Variants in TPGS2 observed in about 807,000 individuals in gnomAD.
The protein encoded by TPGS2 is polyglutamylase subunit 2.
Under a neutral mutation model 31.1 loss-of-function variants are expected in TPGS2, and 26 were observed. The observed-to-expected ratio is 0.84, with a 90% CI of 0.61 to 1.16. The LOEUF is 1.16. Ranked by LOEUF, TPGS2 falls within the 50% of genes most tolerant of loss-of-function variation. The pLI, the probability that TPGS2 is intolerant of heterozygous loss-of-function variation, is 0.00. For synonymous variants in TPGS2, 130 were observed against 136.6 expected, an observed-to-expected ratio of 0.95 and a Z score of 0.34; for missense variants, 351 against 363.8, an observed-to-expected ratio of 0.96 and a Z score of 0.29.
At chr18:36,797,466 G>A (rs1480488819) in intron 6 of TPGS2, among the ~76,000 whole-genome samples, 3 of 149,324 alleles carry the variant, frequency 2.0e-5, no homozygotes, top group African/African-American at 7.3e-5. Context: ...AGAGGCTAGT[G>A]TGGGCCTCTG....
chr18:36,805,283 T>C, intron 4 of TPGS2, 91 bp downstream of exon 4: 1 of 1,428,058 alleles, frequency 7.0e-7, no homozygotes, highest in Non-Finnish European at 9.7e-7. Flanking sequence ...TTAACATTCA[T>C]TCATGCACCA....
intron 1 of TPGS2, among the ~76,000 whole-genome samples, chr18:36,823,457 C>CTTTTTTTTTTTTTTT (rs1193182256): frequency 5.6e-5 from 6 of 107,088 alleles, no homozygotes; most frequent in Admixed American, 8.8e-5. Context: ...TTGTTAACAG[C>CTTTTTTTTTTTTTTT]TTGTTTTTTT....
intron 1 of TPGS2, among the ~76,000 whole-genome samples, chr18:36,822,506 T>C (rs976554218): frequency 4.6e-5 from 7 of 152,194 alleles, no homozygotes; most frequent in African/African-American, 1.4e-4. Flanking sequence ...TAACATTTGA[T>C]TTAGTTTGAT....
In TPGS2 at chr18:36,794,242, CCTG is replaced by C; in HGVS notation, c.*2560_*2562del. 1.0e-6 allele frequency: 1 copy of C among 976,732 alleles called. No homozygotes were observed. The highest frequency in any genetic ancestry group is 1.2e-6 in the Non-Finnish European group (1 of 822,110). 60.5% of individuals were successfully genotyped at this position (976,732 alleles called of 1,614,324 possible). Reference sequence around the variant, plus strand: ...TTAGTACCTGTAAAGGTAATGTTTTCCTGCTGTTTGCACAAAAGCCTCACATCT... The same window carrying C: ...TTAGTACCTGTAAAGGTAATGTTTTCCTGTTTGCACAAAAGCCTCACATCT... On this transcript the variant is annotated 3_prime_UTR_variant, in exon 7 of 7. Transcript: ENST00000334295.
At position 36,798,301 on chromosome 18, in the gene TPGS2, C is replaced by G; in HGVS notation, c.657+148G>C. On this transcript the variant is annotated intron_variant, in intron 6 of 6. Transcript: ENST00000334295. ...AAGTGAGGCTGTCCATTGGAATCAT[C>G]TGTCTTGCTTATTGAAAATGCAGGT... 2.7e-6 allele frequency: 4 copies of G among 1,477,732 alleles called. No homozygotes were observed. The South Asian group carries it at 5.6e-5, about 21-fold the overall frequency. 91.5% of individuals were successfully genotyped at this position (1,477,732 alleles called of 1,614,324 possible).
downstream of TPGS2, among the ~76,000 whole-genome samples, chr18:36,780,579 C>A (rs944059121): frequency 2.0e-5 from 3 of 152,100 alleles, no homozygotes; most frequent in African/African-American, 7.2e-5. Flanking sequence ...CATCATTGTG[C>A]AGATATTATA....
Position 36,794,442 on chromosome 18 carries a change from C to T in TPGS2, c.*2363G>A, listed in dbSNP as rs745598999. On this transcript the variant is annotated 3_prime_UTR_variant, in exon 7 of 7. Coordinates refer to ENST00000334295, the MANE Select transcript of TPGS2 (RefSeq NM_015476.4). The stretch of plus-strand genomic sequence containing the variant: ...GAGTGACACCGCTGACCTCCTGGTT[C>T]CTCCGCTGCTTCACTTGTGGAATCC... The T allele has an allele frequency of 2.0e-4, 196 of 985,366 alleles. No homozygotes were observed. Among genetic ancestry groups the T allele is most frequent in the Non-Finnish European group, 2.1e-4 (178 of 829,954 alleles). The allele number at this position is 985,366 out of a possible 1,614,324, so 61.0% of individuals were successfully genotyped here.
At chr18:36,801,232 T>C (rs1019836231) in intron 4 of TPGS2, among the ~76,000 whole-genome samples, 3 of 152,246 alleles carry the variant, frequency 2.0e-5, no homozygotes, top group African/African-American at 7.2e-5. Flanking sequence ...TGTTGCCAGA[T>C]TGCTCTTCAA....
intron 2 of TPGS2, among the ~76,000 whole-genome samples, chr18:36,816,602 G>C (rs756479848): frequency 3.4e-4 from 52 of 152,264 alleles, no homozygotes; most frequent in Middle Eastern, 6.8e-3. Context: ...AAAGAGCCCT[G>C]AGGCAGTTCT....
downstream of TPGS2, among the ~76,000 whole-genome samples, chr18:36,781,031 T>C (rs1453162405): frequency 6.6e-6 from 1 of 152,268 alleles, no homozygotes; most frequent in African/African-American, 2.4e-5. Context: ...TATAATCTTA[T>C]GGGACCACTG....
chr18:36,810,349 C>T (rs1430322311), intron 2 of TPGS2, among the ~76,000 whole-genome samples: 1 of 152,110 alleles, frequency 6.6e-6, no homozygotes, highest in Non-Finnish European at 1.5e-5. Context: ...ACGTATCTCA[C>T]CATTTTTTTT....
chr18:36,787,557 C>T (rs1056670661), intron 6 of TPGS2, among the ~76,000 whole-genome samples: 8 of 152,114 alleles, frequency 5.3e-5, no homozygotes, highest in Admixed American at 3.3e-4. Context: ...TGAATAAAAA[C>T]GTGGTATTTA....
intron 1 of TPGS2, among the ~76,000 whole-genome samples, chr18:36,820,134 T>C (rs978235172): frequency 1.3e-5 from 2 of 152,236 alleles, no homozygotes; most frequent in Admixed American, 1.3e-4. Flanking sequence ...TAGCCCAATA[T>C]AGGAACTAAG....
intron 1 of TPGS2, among the ~76,000 whole-genome samples, chr18:36,827,942 C>G (rs1349060412): frequency 6.6e-6 from 1 of 152,148 alleles, no homozygotes; most frequent in Non-Finnish European, 1.5e-5. Flanking sequence ...CGCGGTGGCT[C>G]ACGCCTGTAA....
In TPGS2 at chr18:36,828,785, C is replaced by G; in HGVS notation, c.-18G>C. ...TCCTCCATGGCTCGCGACCGCGATTCGCGCGCGGCGGGAGCGGGTGGAGGG... is the reference window on the plus strand; with the variant it reads ...TCCTCCATGGCTCGCGACCGCGATTGGCGCGCGGCGGGAGCGGGTGGAGGG... On this transcript the variant is annotated 5_prime_UTR_variant, in exon 1 of 7. Coordinates refer to ENST00000334295, the MANE Select transcript of TPGS2 (RefSeq NM_015476.4). 1 of 1,611,688 alleles carries G rather than the reference C, an allele frequency of 6.2e-7. No individual in the cohort carries two copies. Among genetic ancestry groups the G allele is most frequent in the Non-Finnish European group, 8.5e-7 (1 of 1,179,208 alleles).
At chr18:36,820,327 A>T (rs1452913325) in intron 1 of TPGS2, among the ~76,000 whole-genome samples, 22 of 152,196 alleles carry the variant, frequency 1.4e-4, no homozygotes, top group Admixed American at 1.4e-3. Context: ...TTCAGACAAA[A>T]CTACTGTGAT....
In TPGS2 at chr18:36,814,188, A is replaced by G. The variant is rs191393806; in HGVS notation, c.165+4706T>C. On this transcript the variant is annotated intron_variant, in intron 2 of 6. Transcript: ENST00000334295. ...TGTCACTGAAATGCTTAATAATAAC[A>G]TAACTCTTCTGGCACCAGGATGTTA... Among the ~76,000 whole-genome samples the G allele has an allele frequency of 2.8e-3, 425 of 152,338 alleles. 1 individual carries two copies. The highest frequency in any genetic ancestry group is 6.3e-3 in the Admixed American group (96 of 15,302).
downstream of TPGS2, chr18:36,782,026 G>A (rs1212615156): frequency 2.3e-5 from 19 of 812,518 alleles, no homozygotes; most frequent in South Asian, 5.6e-5. Context: ...GAGAGTGTTC[G>A]CCTATTGCTT....
At chr18:36,785,951 A>G (rs2044115485) in intron 6 of TPGS2, among the ~76,000 whole-genome samples, 1 of 152,182 alleles carries the variant, frequency 6.6e-6, no homozygotes, top group Admixed American at 6.5e-5. Flanking sequence ...CAACAGTTAC[A>G]GGAGAAGCTA....
Sources: gnomAD v4.1 joint callset for allele counts (sites outside exome capture counted in the v4.1 genomes callset) on GRCh38, gnomAD v4.1.1 for gene constraint, MANE v1.5 for transcripts, NCBI Gene and HGNC (gene_info 2026-07-23, HGNC 2026-07-21) for gene names.